USP49: variants seen among roughly 807,000 people sequenced by gnomAD.
USP49 encodes the protein ubiquitin specific peptidase 49.
Under a neutral mutation model 58.6 loss-of-function variants are expected in USP49, and 24 were observed. The ratio of observed to expected loss-of-function variants is 0.41; its 90% CI spans 0.30 to 0.58. The LOEUF (loss-of-function observed/expected upper bound fraction) is 0.58, where lower values mean the gene tolerates loss of function less well. USP49 is among the 20% of genes least tolerant of loss of function. The probability of loss-of-function intolerance (pLI) is 0.30; values close to 1 mark genes in which losing one functional copy is unlikely to be tolerated. For synonymous variants in USP49, 408 were observed against 365.1 expected (o/e 1.12, Z -1.34); for missense variants, 703 against 866.1 (o/e 0.81, Z 2.36).
At chr6:41,863,434 T>C (rs1473150818) in intron 3 of USP49, among the ~76,000 whole-genome samples, 3 of 152,214 alleles carry the variant, frequency 2.0e-5, no homozygotes, top group Admixed American at 6.5e-5. Flanking sequence ...ACTGTTTTAA[T>C]TGCTAGTGGA....
intron 3 of USP49, among the ~76,000 whole-genome samples, chr6:41,818,125 G>C (rs901735443): frequency 6.6e-6 from 1 of 152,118 alleles, no homozygotes; most frequent in Non-Finnish European, 1.5e-5. Flanking sequence ...TGACTGATGG[G>C]TGTTAAGGAG....
At chr6:41,882,124 G>A (rs1388123690) in intron 2 of USP49, among the ~76,000 whole-genome samples, 1 of 151,704 alleles carries the variant, frequency 6.6e-6, no homozygotes, top group Non-Finnish European at 1.5e-5. Flanking sequence ...ATACTAGAAA[G>A]GAACAGTAAT....
At position 41,806,901 on chromosome 6, in the gene USP49, T is replaced by A; in HGVS notation, c.83A>T (p.Glu28Val). The A allele has an allele frequency of 6.2e-7, 1 of 1,613,840 alleles. No homozygotes were observed. The highest frequency in any genetic ancestry group is 2.2e-5 in the East Asian group (1 of 44,868). ...ILNPQKWCCLECATTESVWAC... is the reference protein window; with the variant it reads ...ILNPQKWCCLVCATTESVWAC... ...CCACACGGACTCGGTGGTGGCACAC[T>A]CTAAGCAGCACCACTTCTGAGGGTT... Residue 28 changes from glutamate to valine, a missense_variant, in exon 4 of 8, where the codon GAG becomes GTG. Glu to Val is a moderately radical substitution (Grantham distance 121). Coordinates refer to ENST00000682992, the MANE Select transcript of USP49 (RefSeq NM_001286554.2). The surrounding 1 kb of genome is among the most constrained non-coding windows in gnomAD (Gnocchi z 5.9).
chr6:41,892,189 T>C lies in USP49; in HGVS notation c.-184-314A>G, dbSNP rs559791057. On this transcript the variant is annotated intron_variant, in intron 1 of 7. Coordinates refer to ENST00000682992, the MANE Select transcript of USP49 (RefSeq NM_001286554.2). ...TACAGAAACAAAAGGCAGGACTCAC[T>C]CTTTCCCTTGGCTGATCTTACAGTT... is the stretch of plus-strand genomic sequence containing the variant. Among the ~76,000 whole-genome samples the C allele has an allele frequency of 2.4e-3, 366 of 152,330 alleles. 2 individuals carry two copies. Among genetic ancestry groups the C allele is most frequent in the African/African-American group, 8.3e-3 (344 of 41,578 alleles).
chr6:41,882,948 G>A (rs967433787), intron 2 of USP49, among the ~76,000 whole-genome samples: 3 of 151,462 alleles, frequency 2.0e-5, no homozygotes, highest in Non-Finnish European at 4.4e-5. Context: ...AAACACCTAG[G>A]CAAAGTTAAC....
chr6:41,849,226 T>C (rs1429883321), intron 3 of USP49, among the ~76,000 whole-genome samples: 1 of 152,082 alleles, frequency 6.6e-6, no homozygotes, highest in African/African-American at 2.4e-5. Context: ...AAAAATGACA[T>C]GATAAAAGGG....
rs1489117166 is a variant in USP49, at chr6:41,861,735, ACT to A, written c.-29+9827_-29+9828del. 4.8e-5 allele frequency among the ~76,000 whole-genome samples: 7 copies of A among 146,144 alleles called. No homozygotes were observed. In the East Asian group the frequency reaches 1.4e-3, roughly 29 times the overall value. Reference sequence around the variant, plus strand: ...TTTTTTTTTTTTGAGATGGAGTCTCACTCTGTTGCCTAGGCAGGAGTGCAGTG... The same window carrying A: ...TTTTTTTTTTTTGAGATGGAGTCTCACTGTTGCCTAGGCAGGAGTGCAGTG... On this transcript the variant is annotated intron_variant, in intron 3 of 7. Transcript: ENST00000682992.
chr6:41,870,442 G>A (rs1348724857), intron 3 of USP49, among the ~76,000 whole-genome samples: 1 of 152,092 alleles, frequency 6.6e-6, no homozygotes, highest in Non-Finnish European at 1.5e-5. Context: ...GTAGTTATCT[G>A]TTATTTTTAA....
Position 41,803,422 on chromosome 6 carries a change from G to A in USP49, c.1561+384C>T, listed in dbSNP as rs1199260853. On this transcript the variant is annotated intron_variant, in intron 5 of 7. Transcript: ENST00000682992. The surrounding 1 kb of genome is among the most constrained non-coding windows in gnomAD (Gnocchi z 4.1). ...GGGTTCAACCGATTCTCCTGCCTCA[G>A]CCTCCCGAGTAGCTGGGATTACAGG... 7.9e-5 allele frequency among the ~76,000 whole-genome samples: 12 copies of A among 152,306 alleles called. No homozygotes were observed. The highest frequency in any genetic ancestry group is 1.5e-4 in the Non-Finnish European group (10 of 68,018).
intron 3 of USP49, among the ~76,000 whole-genome samples, chr6:41,819,080 T>A (rs1229838545): frequency 2.0e-5 from 3 of 151,910 alleles, no homozygotes; most frequent in Non-Finnish European, 4.4e-5. Context: ...GCTTTTGAAA[T>A]GGAACAGGAA....
chr6:41,841,330 C>T (rs1773824015), intron 3 of USP49, among the ~76,000 whole-genome samples: 1 of 152,178 alleles, frequency 6.6e-6, no homozygotes, highest in Non-Finnish European at 1.5e-5. Context: ...CAGTCCCTGC[C>T]TTCAAGGAGC....
intron 3 of USP49, among the ~76,000 whole-genome samples, chr6:41,843,810 G>T (rs1445411801): frequency 6.6e-6 from 1 of 152,078 alleles, no homozygotes; most frequent in Non-Finnish European, 1.5e-5. Flanking sequence ...TTGGGAAGCT[G>T]CGGCGGGCAG....
In USP49 at chr6:41,811,728, T is replaced by A. The variant is rs151234865; in HGVS notation, c.-28-4717A>T. On this transcript the variant is annotated intron_variant, in intron 3 of 7. Coordinates refer to ENST00000682992, the MANE Select transcript of USP49 (RefSeq NM_001286554.2). The stretch of plus-strand genomic sequence containing the variant: ...AACCATTTTTGTTGATTTTTCTTAG[T>A]GCACAGCCAAATCAAAACACACATA... Among the ~76,000 whole-genome samples the A allele has an allele frequency of 5.2e-3, 790 of 152,310 alleles. 4 individuals carry two copies. Among genetic ancestry groups the A allele is most frequent in the African/African-American group, 0.018 (737 of 41,564 alleles).
At chr6:41,854,271 C>A (rs1774087254) in intron 3 of USP49, among the ~76,000 whole-genome samples, 1 of 149,424 alleles carries the variant, frequency 6.7e-6, no homozygotes, top group Non-Finnish European at 1.5e-5. Context: ...GAGCCAAGAT[C>A]CCACCACTGT....
intron 3 of USP49, among the ~76,000 whole-genome samples, chr6:41,812,124 G>C (rs1773267334): frequency 6.6e-6 from 1 of 151,552 alleles, no homozygotes; most frequent in Non-Finnish European, 1.5e-5. Flanking sequence ...TTGTTGCCCA[G>C]GCTAGAGTTC....
chr6:41,797,381 A>G (rs1245830624), intron 7 of USP49, among the ~76,000 whole-genome samples: 1 of 152,190 alleles, frequency 6.6e-6, no homozygotes, highest in Non-Finnish European at 1.5e-5. Flanking sequence ...GAGGAGGAGG[A>G]GAGGAGAAAT....
intron 3 of USP49, among the ~76,000 whole-genome samples, chr6:41,830,575 T>C (rs1219002066): frequency 6.6e-6 from 1 of 152,138 alleles, no homozygotes; most frequent in South Asian, 2.1e-4. Flanking sequence ...ACCTGTAATC[T>C]CAGTACTTTG....
At chr6:41,802,968 C>T (rs1773047067) in intron 5 of USP49, among the ~76,000 whole-genome samples, 1 of 152,230 alleles carries the variant, frequency 6.6e-6, no homozygotes, top group Non-Finnish European at 1.5e-5. Flanking sequence ...GAAGCTGCCA[C>T]TGAGCAATGC....
intron 6 of USP49, 150 bp from the exon 7 acceptor site, chr6:41,799,079 C>T (rs376043820): frequency 2.6e-4 from 95 of 360,600 alleles, no homozygotes; most frequent in Admixed American, 1.1e-3. Flanking sequence ...AATGTTCACA[C>T]TTATTTATTT....
Sources: gnomAD v4.1 joint callset for allele counts (sites outside exome capture counted in the v4.1 genomes callset) on GRCh38, gnomAD v4.1.1 for gene constraint, Gnocchi (gnomAD v3.1) non-coding constraint, MANE v1.5 for transcripts, NCBI Gene and HGNC (gene_info 2026-07-23, HGNC 2026-07-21) for gene names.